Variants in PACRG observed in about 807,000 individuals in gnomAD.
PACRG encodes the protein parkin coregulated, also known as parkin coregulated gene protein.
A neutral mutation model predicts 29.7 loss-of-function variants in PACRG; 29 were observed. That is an observed-to-expected ratio of 0.98 (90% CI 0.73 to 1.33). The LOEUF (loss-of-function observed/expected upper bound fraction) is 1.33, where lower values mean the gene tolerates loss of function less well. Ranked by LOEUF, PACRG falls within the 40% of genes most tolerant of loss-of-function variation. The pLI is 0.00. For missense variants in PACRG, 279 were observed against 316.2 expected (o/e 0.88, Z 0.89); for synonymous variants, 116 against 118.7 (o/e 0.98, Z 0.15).
chr6:163,221,878 C>A (rs77250700), intron 4 of PACRG, among the ~76,000 whole-genome samples: 4,402 of 152,178 alleles, frequency 0.029, 203 homozygotes, highest in African/African-American at 0.093. Context: ...GGTCGTGGGA[C>A]CTTGCACAGC....
intron 2 of PACRG, among the ~76,000 whole-genome samples, chr6:163,041,048 C>T (rs1808647074): frequency 6.6e-6 from 1 of 152,034 alleles, no homozygotes. Context: ...TTATAATCCC[C>T]ATACATCAGC....
At chr6:163,027,073 C>G (rs1181730652) in intron 2 of PACRG, among the ~76,000 whole-genome samples, 3 of 152,168 alleles carry the variant, frequency 2.0e-5, no homozygotes, top group African/African-American at 7.2e-5. Context: ...ATAGGCCCAC[C>G]AGGGATGGCT....
chr6:162,854,407 T>C (rs1304980653), intron 2 of PACRG, among the ~76,000 whole-genome samples: 1 of 152,152 alleles, frequency 6.6e-6, no homozygotes, highest in African/African-American at 2.4e-5. Context: ...ACCAGTAGAA[T>C]TGAAAGATGT....
chr6:163,232,319 G>A lies in PACRG; in HGVS notation c.614-82508G>A, dbSNP rs568466477. ...GCCTGGCTACTCCAGAGGCTCCTCC[G>A]CTGCTGCAATGTGCCCGAGCCCCAA... is the stretch of plus-strand genomic sequence containing the variant. On this transcript the variant is annotated intron_variant, in intron 4 of 4. Transcript: ENST00000366888. Among the ~76,000 whole-genome samples, 9 of 152,290 alleles carry A rather than the reference G, an allele frequency of 5.9e-5. No homozygotes were observed. The East Asian group carries it at 9.7e-4, about 16-fold the overall frequency.
chr6:162,963,949 T>G (rs1311405362), intron 2 of PACRG, among the ~76,000 whole-genome samples: 1 of 152,174 alleles, frequency 6.6e-6, no homozygotes, highest in Non-Finnish European at 1.5e-5. Flanking sequence ...GGCAGAAGAC[T>G]CTTGCCTAAT....
chr6:162,905,665 C>T (rs1322274976), intron 2 of PACRG, among the ~76,000 whole-genome samples: 1 of 152,158 alleles, frequency 6.6e-6, no homozygotes, highest in African/African-American at 2.4e-5. Flanking sequence ...TAAACATTTC[C>T]ATCTTTTCAC....
intron 2 of PACRG, among the ~76,000 whole-genome samples, chr6:162,886,483 G>A (rs1019791099): frequency 1.6e-4 from 24 of 152,118 alleles, no homozygotes; most frequent in East Asian, 1.9e-4. Context: ...CATGGCACGC[G>A]TCTCCTGGAA....
Position 163,009,193 on chromosome 6 carries a change from C to T in PACRG, c.292-52957C>T, listed in dbSNP as rs1483551019. Among the ~76,000 whole-genome samples, 4 of 152,188 alleles carry T rather than the reference C, an allele frequency of 2.6e-5. No individual in the cohort carries two copies. The East Asian group carries it at 7.7e-4, about 29-fold the overall frequency. ...TAACTGGCAAAATCTAAGCCATTGA[C>T]TTAATTCTTTACACCTTATTGAGGC... On this transcript the variant is annotated intron_variant, in intron 2 of 4. Coordinates refer to ENST00000366888, the MANE Select transcript of PACRG (RefSeq NM_001080379.2).
At chr6:163,275,809 C>T (rs1784002606) in intron 4 of PACRG, among the ~76,000 whole-genome samples, 1 of 152,100 alleles carries the variant, frequency 6.6e-6, no homozygotes, top group Non-Finnish European at 1.5e-5. Flanking sequence ...ATTAGACCTG[C>T]CTCCTTATTA....
intron 2 of PACRG, among the ~76,000 whole-genome samples, chr6:163,045,114 GGT>G (rs912509253): frequency 2.0e-5 from 3 of 152,098 alleles, no homozygotes; most frequent in African/African-American, 7.2e-5. Context: ...CCCATCTTTT[GGT>G]GTGTGTAGGG....
At chr6:163,126,523 T>A (rs565631941) in intron 4 of PACRG, among the ~76,000 whole-genome samples, 1 of 152,174 alleles carries the variant, frequency 6.6e-6, no homozygotes, top group Admixed American at 6.5e-5. Context: ...TTGAGACAGG[T>A]CACAATAATT....
rs112613716 is a variant in PACRG at position 162,853,720 on chromosome 6, A to G, written c.291+39439A>G. ...AAACGCCCATGATGCGTGTTTGTCT[A>G]TGTAACAAACCTTCACATGTACCCC... On this transcript the variant is annotated intron_variant, in intron 2 of 4. Coordinates refer to ENST00000366888, the MANE Select transcript of PACRG (RefSeq NM_001080379.2). The surrounding 1 kb of genome is among the most constrained non-coding windows in gnomAD (Gnocchi z 4.7). Among the ~76,000 whole-genome samples, 700 of 152,322 alleles carry G rather than the reference A, an allele frequency of 4.6e-3. 6 individuals carry two copies. The highest frequency in any genetic ancestry group is 0.016 in the African/African-American group (652 of 41,578).
In PACRG at chr6:162,897,765, G is replaced by T. The variant is rs530721515; in HGVS notation, c.291+83484G>T. Among the ~76,000 whole-genome samples, 38 of 152,310 alleles carry T rather than the reference G, an allele frequency of 2.5e-4. No homozygotes were observed. In the South Asian group the frequency reaches 7.9e-3, roughly 32 times the overall value. On this transcript the variant is annotated intron_variant, in intron 2 of 4. Coordinates refer to ENST00000366888, the MANE Select transcript of PACRG (RefSeq NM_001080379.2). Reference sequence around the variant, plus strand: ...AGCACCAGTGCTGTATTAGTGAGTGGGGTGTATAGTTTGTTGGCATGCACG... The same window carrying T: ...AGCACCAGTGCTGTATTAGTGAGTGTGGTGTATAGTTTGTTGGCATGCACG...
intron 2 of PACRG, chr6:162,997,537 A>AT: frequency 2.4e-6 from 1 of 417,888 alleles, no homozygotes; most frequent in South Asian, 1.7e-5. Flanking sequence ...GAAAAATTCA[A>AT]TGTCAAGGTG....
intron 2 of PACRG, among the ~76,000 whole-genome samples, chr6:162,848,364 G>A (rs1790585175): frequency 6.6e-6 from 1 of 152,194 alleles, no homozygotes; most frequent in African/African-American, 2.4e-5. Context: ...AGCTGGCCAG[G>A]AAAACACAGC....
intron 2 of PACRG, among the ~76,000 whole-genome samples, chr6:162,858,762 G>A (rs773372027): frequency 6.6e-6 from 1 of 152,128 alleles, no homozygotes; most frequent in Non-Finnish European, 1.5e-5. Flanking sequence ...TTTCTTCTCC[G>A]TGTTCCTGAG....
At chr6:163,125,584 A>G (rs1304420078) in intron 4 of PACRG, among the ~76,000 whole-genome samples, 3 of 152,236 alleles carry the variant, frequency 2.0e-5, no homozygotes, top group African/African-American at 7.2e-5. Context: ...AGAAACAGCA[A>G]TTCAGAAAAG....
intron 2 of PACRG, among the ~76,000 whole-genome samples, chr6:162,834,699 T>C (rs1033200238): frequency 6.6e-6 from 1 of 151,914 alleles, no homozygotes; most frequent in Non-Finnish European, 1.5e-5. Context: ...TTAAAGCAAC[T>C]GTCCTGTATC....
intron 4 of PACRG, among the ~76,000 whole-genome samples, chr6:163,105,927 T>C (rs1323637): frequency 0.024 from 3,669 of 152,264 alleles, 165 homozygotes; most frequent in African/African-American, 0.083. Flanking sequence ...AAATTTTTAA[T>C]GAGATTATTG....
Sources: allele counts gnomAD v4.1 joint callset (sites outside exome capture counted in the v4.1 genomes callset), GRCh38; gene constraint gnomAD v4.1.1; non-coding constraint Gnocchi (gnomAD v3.1); transcripts MANE v1.5; gene names NCBI Gene and HGNC (gene_info 2026-07-23, HGNC 2026-07-21).